DIP2C: variants seen among roughly 807,000 people sequenced by gnomAD.
DIP2C encodes the protein disco-interacting protein 2 homolog C.
In DIP2C, 33 loss-of-function variants were observed where a neutral mutation model predicts 192.4. That is an observed-to-expected ratio of 0.17 (90% CI 0.13 to 0.23). DIP2C has a LOEUF of 0.23. Ranked by LOEUF, DIP2C falls within the 10% of genes least tolerant of loss-of-function variation. The probability of loss-of-function intolerance (pLI) is 1.00; values close to 1 mark genes in which losing one functional copy is unlikely to be tolerated. For missense variants in DIP2C, 1,537 were observed against 2,110.1 expected, an observed-to-expected ratio of 0.73 and a Z score of 5.32; for synonymous variants, 979 against 864.1, an observed-to-expected ratio of 1.13 and a Z score of -2.33.
At chr10:278,486 T>G (rs1954642718) in intron 36 of DIP2C, among the ~76,000 whole-genome samples, 1 of 152,166 alleles carries the variant, frequency 6.6e-6, no homozygotes. Flanking sequence ...GTCCGGAGGA[T>G]AAGAAACACG....
intron 1 of DIP2C, among the ~76,000 whole-genome samples, chr10:658,956 C>A (rs1033762387): frequency 1.3e-5 from 2 of 152,166 alleles, no homozygotes; most frequent in Non-Finnish European, 2.9e-5. Context: ...TGCACAGACA[C>A]ATATCTCACA....
intron 33 of DIP2C, among the ~76,000 whole-genome samples, chr10:287,869 T>C (rs1390941529): frequency 4.6e-5 from 7 of 152,228 alleles, no homozygotes; most frequent in African/African-American, 1.7e-4. Flanking sequence ...GGCCTTTACA[T>C]ATTCAGAATT....
rs1484668719 is a variant in DIP2C at position 532,528 on chromosome 10, TGA to T, written c.86-46000_86-45999del. On this transcript the variant is annotated intron_variant, in intron 1 of 36. Coordinates refer to ENST00000280886, the MANE Select transcript of DIP2C (RefSeq NM_014974.3). ...AGAATTGGTATTTTGTGTGGGTGTG[TGA>T]GAGAGTATGGGTGTGAGAGAGTATG... Among the ~76,000 whole-genome samples, 94 of 137,880 alleles carry T rather than the reference TGA, an allele frequency of 6.8e-4. 1 individual carries two copies. Among genetic ancestry groups the T allele is most frequent in the Non-Finnish European group, 9.6e-4 (59 of 61,764 alleles). The allele number at this position is 137,880 out of a possible 152,430, so 90.5% of individuals were successfully genotyped here. A position where few individuals can be genotyped will look rare whatever the true frequency, so the allele number is the denominator to read the frequency against.
chr10:452,963 G>A (rs1968976065), intron 3 of DIP2C, among the ~76,000 whole-genome samples: 1 of 152,134 alleles, frequency 6.6e-6, no homozygotes, highest in South Asian at 2.1e-4. Context: ...GGGCAGTGTT[G>A]GATTAACACA....
At chr10:623,138 C>T (rs985982483) in intron 1 of DIP2C, among the ~76,000 whole-genome samples, 6 of 152,132 alleles carry the variant, frequency 3.9e-5, no homozygotes, top group Non-Finnish European at 7.3e-5. Context: ...GCACGGAGCA[C>T]GCGTGTGAAG....
At chr10:310,727 T>C (rs1956532015) in intron 31 of DIP2C, among the ~76,000 whole-genome samples, 1 of 152,164 alleles carries the variant, frequency 6.6e-6, no homozygotes, top group Non-Finnish European at 1.5e-5. Context: ...GGTCCAGAAA[T>C]CTTTTCTTGG....
At chr10:596,886 C>T (rs754001109) in intron 1 of DIP2C, among the ~76,000 whole-genome samples, 7 of 152,226 alleles carry the variant, frequency 4.6e-5, no homozygotes, top group Admixed American at 1.3e-4. Context: ...CTCACCAAGG[C>T]GATGACTGAG....
intron 32 of DIP2C, among the ~76,000 whole-genome samples, chr10:301,533 G>A (rs1288743858): frequency 4.6e-5 from 7 of 152,118 alleles, no homozygotes; most frequent in African/African-American, 7.2e-5. Flanking sequence ...ACACTGACAC[G>A]GCAAAGTGAA....
chr10:351,218 G>A (rs1410541897), intron 24 of DIP2C, among the ~76,000 whole-genome samples: 1 of 152,286 alleles, frequency 6.6e-6, no homozygotes, highest in African/African-American at 2.4e-5. Flanking sequence ...GCTATTCATC[G>A]GCGATGCTGG....
chr10:384,138 C>A lies in DIP2C; in HGVS notation c.1765G>T (p.Ala589Ser), dbSNP rs1334156226. 7.5e-6 allele frequency: 12 copies of A among 1,609,258 alleles called. No homozygotes were observed. The highest frequency in any genetic ancestry group is 1.0e-5 in the Non-Finnish European group (12 of 1,179,064). ...TGCATATCCCTCGATTTCACACACG[C>A]CACTTTTGCTAAAAAGAAAAATAGA... Reference protein sequence around the residue: ...QKVCQYKAKVACVKSRDMHWA... With the variant: ...QKVCQYKAKVSCVKSRDMHWA... The change falls in exon 16 of 37, where the codon GCG (alanine) becomes TCG (serine). Residue 589 changes from alanine (A) to serine (S), a missense_variant. This residue lies in a region of DIP2C where 677 missense variants were observed against 989.9 expected (regional missense o/e 0.68). Coordinates refer to ENST00000280886, the MANE Select transcript of DIP2C (RefSeq NM_014974.3).
intron 7 of DIP2C, 112 bp from the exon 8 acceptor site, chr10:414,222 T>C (rs1156912818): frequency 7.9e-7 from 1 of 1,258,190 alleles, no homozygotes; most frequent in Non-Finnish European, 1.1e-6. Flanking sequence ...GTACATTTAT[T>C]AGCTGACAGA....
intron 1 of DIP2C, among the ~76,000 whole-genome samples, chr10:669,845 A>G (rs564297487): frequency 6.6e-6 from 1 of 152,348 alleles, no homozygotes; most frequent in Non-Finnish European, 1.5e-5. Context: ...AAACATTCAT[A>G]CCAATGTTTA....
At chr10:359,755 T>A (rs1240741802) in intron 22 of DIP2C, among the ~76,000 whole-genome samples, 1 of 152,134 alleles carries the variant, frequency 6.6e-6, no homozygotes, top group Non-Finnish European at 1.5e-5. Flanking sequence ...CCTCTATCTC[T>A]ACCAGATAGA....
rs774586627 is a variant in DIP2C, at chr10:344,909, G to A, written c.3353C>T (p.Pro1118Leu). 1.7e-5 allele frequency: 28 copies of A among 1,606,650 alleles called. No homozygotes were observed. The highest frequency in any genetic ancestry group is 2.4e-5 in the Non-Finnish European group (28 of 1,177,472). ...GCAGATCTGGGCAGGCCGCTTCTTT[G>A]GCAAATCATCTGGAGAGGAACATGA... ...WPLILDTDDL[P>L]KKRPAQICKP... is the part of the protein sequence containing the mutation. The change falls in exon 28 of 37, where the codon CCA (proline) becomes CTA (leucine). Residue 1118 changes from proline (P) to leucine (L), a missense_variant. Around this residue, in one of 4 missense-constraint regions of DIP2C, gnomAD observed 46 missense variants for 28.9 expected, o/e 1.59. Transcript: ENST00000280886.
chr10:640,261 C>A (rs559495805), intron 1 of DIP2C, among the ~76,000 whole-genome samples: 157 of 152,400 alleles, frequency 1.0e-3, no homozygotes, highest in African/African-American at 3.6e-3. Flanking sequence ...GCCCCGCCCA[C>A]GGCCACCAAG....
At chr10:435,436 T>C (rs998324121) in intron 4 of DIP2C, among the ~76,000 whole-genome samples, 2 of 152,236 alleles carry the variant, frequency 1.3e-5, no homozygotes, top group African/African-American at 4.8e-5. Context: ...CACAAAATCA[T>C]GGCCCTGTAT....
chr10:603,136 T>C (rs1477023880), intron 1 of DIP2C, among the ~76,000 whole-genome samples: 1 of 151,760 alleles, frequency 6.6e-6, no homozygotes, highest in Non-Finnish European at 1.5e-5. Flanking sequence ...GTTAATAAAG[T>C]CTGCAGAGTT....
chr10:316,938 A>G (rs906656411), intron 31 of DIP2C, among the ~76,000 whole-genome samples: 3 of 152,200 alleles, frequency 2.0e-5, no homozygotes, highest in Non-Finnish European at 2.9e-5. Flanking sequence ...AATGTAATTC[A>G]TCTACATTTG....
chr10:308,567 T>C (rs540591710), intron 32 of DIP2C, among the ~76,000 whole-genome samples: 5 of 152,368 alleles, frequency 3.3e-5, no homozygotes, highest in African/African-American at 1.2e-4. Context: ...AAGTGATTAT[T>C]TAGAAAACTG....
Sources: allele counts gnomAD v4.1 joint callset (sites outside exome capture counted in the v4.1 genomes callset), GRCh38; gene constraint gnomAD v4.1.1; regional missense constraint gnomAD v4.1.1; transcripts MANE v1.5; gene names NCBI Gene and HGNC (gene_info 2026-07-23, HGNC 2026-07-21).